Variants in CCDC157 observed in about 807,000 individuals in gnomAD.
CCDC157 encodes coiled-coil domain-containing protein 157.
CCDC157 carries 60 observed loss-of-function variants against 70.9 expected under a neutral mutation model. That is an observed-to-expected ratio of 0.85 (90% CI 0.69 to 1.05). The LOEUF is 1.05. CCDC157 is among the 50% of genes least tolerant of loss of function. The pLI, the probability that CCDC157 is intolerant of heterozygous loss-of-function variation, is 0.00. For missense variants in CCDC157, 943 were observed against 984.2 expected (o/e 0.96, Z 0.56); for synonymous variants, 373 against 422.4 (o/e 0.88, Z 1.43).
intron 7 of CCDC157, 97 bp downstream of exon 7, chr22:30,372,383 C>T: frequency 7.1e-7 from 1 of 1,411,208 alleles, no homozygotes; most frequent in African/African-American, 1.4e-5. Context: ...CTATATTGGG[C>T]ATCTGCTCCC....
chr22:30,374,015 G>A lies in CCDC157; in HGVS notation c.1596G>A (p.Leu532=). 6.2e-7 allele frequency: 1 copy of A among 1,611,988 alleles called. No homozygotes were observed. Among genetic ancestry groups the A allele is most frequent in the Admixed American group, 1.7e-5 (1 of 59,730 alleles). The change falls in exon 9 of 12, where the codon CTG becomes CTA. Residue 532 remains leucine (L), a synonymous_variant. Transcript: ENST00000338306. ...RLTILELERE[L]EELKERERLL... ...CCATCCTGGAGCTAGAACGGGAGCT[G>A]GAGGAGCTGAAGGAGCGGGAGCGGC...
At position 30,375,479 on chromosome 22, in the gene CCDC157, G is replaced by A. The variant is rs1252596728; in HGVS notation, c.1673G>A (p.Gly558Glu). 1 of 1,614,088 alleles carries A rather than the reference G, an allele frequency of 6.2e-7. No homozygotes were observed. Among genetic ancestry groups the A allele is most frequent in the African/African-American group, 1.3e-5 (1 of 75,044 alleles). ...LHRPTETQIHGGRSSSVESQI... is the reference protein window; with the variant it reads ...LHRPTETQIHEGRSSSVESQI... Reference sequence around the variant, plus strand: ...TAAGGTCCTGTCCCATTGGGCACAGGAGGCAGATCCAGCAGCGTGGAATCC... The same window carrying A: ...TAAGGTCCTGTCCCATTGGGCACAGAAGGCAGATCCAGCAGCGTGGAATCC... Residue 558 changes from glycine to glutamate, a missense_variant and splice_region_variant, in exon 10 of 12, where the codon GGA becomes GAA. Transcript: ENST00000338306.
chr22:30,377,408 C>T lies in CCDC157; in HGVS notation c.*663C>T, dbSNP rs192943918. On this transcript the variant is annotated 3_prime_UTR_variant, in exon 12 of 12. Coordinates refer to ENST00000338306, the MANE Select transcript of CCDC157 (RefSeq NM_001017437.5). ...ACCCTGCCAGCCCTGGCTTTCCCAT[C>T]CCTGTCCCTTGGGGGTCTCTTCAGC... 124 of 155,372 alleles carry T rather than the reference C, an allele frequency of 8.0e-4. No individual in the cohort carries two copies. Among genetic ancestry groups the T allele is most frequent in the African/African-American group, 2.8e-3 (115 of 41,588 alleles). The allele number at this position is 155,372 out of a possible 1,614,324, so 9.6% of individuals were successfully genotyped here. A position where few individuals can be genotyped will look rare whatever the true frequency, so the allele number is the denominator to read the frequency against.
intron 3 of CCDC157, among the ~76,000 whole-genome samples, chr22:30,367,631 C>G (rs1932779050): frequency 6.6e-6 from 1 of 151,918 alleles, no homozygotes; most frequent in Non-Finnish European, 1.5e-5. Flanking sequence ...CATGATCATG[C>G]CACTGCACTC....
rs766248109 is a variant in CCDC157 at position 30,373,697 on chromosome 22, G to A, written c.1436G>A (p.Arg479Gln). 96 of 1,552,976 alleles carry A rather than the reference G, an allele frequency of 6.2e-5. No individual in the cohort carries two copies. Among genetic ancestry groups the A allele is most frequent in the South Asian group, 7.1e-5 (6 of 84,352 alleles). ...AGCCTGGACGAGGCTGAGGCCCAGC[G>A]GGCCCGCGTGGAGGAGCAGCTGCAG... ...RGSLDEAEAQ[R>Q]ARVEEQLQSE... Residue 479 changes from arginine to glutamine, a missense_variant, in exon 8 of 12, where the codon CGG becomes CAG. Physicochemically the swap from Arg to Gln is conservative, Grantham distance 43. Coordinates refer to ENST00000338306, the MANE Select transcript of CCDC157 (RefSeq NM_001017437.5).
At chr22:30,364,777 T>C (rs1024131838) in intron 2 of CCDC157, among the ~76,000 whole-genome samples, 3 of 150,452 alleles carry the variant, frequency 2.0e-5, no homozygotes, top group Admixed American at 6.6e-5. Flanking sequence ...ATCACGCCAC[T>C]GTACTCCAGC....
intron 3 of CCDC157, among the ~76,000 whole-genome samples, chr22:30,368,058 A>G (rs549795281): frequency 1.3e-5 from 2 of 152,288 alleles, no homozygotes; most frequent in African/African-American, 4.8e-5. Context: ...AAAACAAACA[A>G]ACAAACAAAA....
rs1451880768 is a variant in CCDC157, at chr22:30,370,533, C to T, written c.628C>T (p.His210Tyr). The stretch of plus-strand genomic sequence containing the variant: ...GACCTTCAAGAACACCAGGAGTGTC[C>T]ACTCCCAGACCATTGAGACGGCCCT... ...ATTFKNTRSV[H>Y]SQTIETALVP... Residue 210 changes from histidine (H) to tyrosine (Y), a missense_variant, in exon 5 of 12, where the codon CAC (histidine) becomes TAC (tyrosine). By Grantham distance (83) the His-to-Tyr change is moderately conservative (BLOSUM62 2). Transcript: ENST00000338306. 3 of 1,613,954 alleles carry T rather than the reference C, an allele frequency of 1.9e-6. No individual in the cohort carries two copies. In the African/African-American group the frequency reaches 4.0e-5, roughly 22 times the overall value.
chr22:30,370,068 C>T (rs1294150529), intron 4 of CCDC157: 3 of 574,650 alleles, frequency 5.2e-6, no homozygotes, highest in African/African-American at 3.7e-5. Context: ...CCATCACCTT[C>T]CCAACACCAT....
At position 30,378,096 on chromosome 22, in the gene CCDC157, C is replaced by T. The variant is rs775027122; in HGVS notation, c.*1351C>T. 1.9e-5 allele frequency: 9 copies of T among 470,940 alleles called. No individual in the cohort carries two copies. Among genetic ancestry groups the T allele is most frequent in the South Asian group, 3.1e-5 (2 of 64,576 alleles). 29.2% of individuals were successfully genotyped at this position (470,940 alleles called of 1,614,324 possible). A position where few individuals can be genotyped will look rare whatever the true frequency, so the allele number is the denominator to read the frequency against. On this transcript the variant is annotated 3_prime_UTR_variant, in exon 12 of 12. Coordinates refer to ENST00000338306, the MANE Select transcript of CCDC157 (RefSeq NM_001017437.5). ...GCTGGCTGTAAGCCAGGTCCTCTCA[C>T]GGCTCCTAGAGGCCGTCCACCTTCC...
At chr22:30,372,456 C>G in intron 7 of CCDC157, 170 bp downstream of exon 7, 1 of 970,718 alleles carries the variant, frequency 1.0e-6, no homozygotes. Flanking sequence ...GAACCAGGCA[C>G]TGGGGGAACA....
chr22:30,372,498 CCTCA>C (rs1933018290), intron 7 of CCDC157: 2 of 610,000 alleles, frequency 3.3e-6, no homozygotes, highest in Admixed American at 3.6e-5. Flanking sequence ...CCCAGTGAGG[CCTCA>C]CTCTGGAAGA....
At chr22:30,373,887 A>G in intron 8 of CCDC157, 36 bp from the exon 9 acceptor site, 1 of 1,585,520 alleles carries the variant, frequency 6.3e-7, no homozygotes, top group African/African-American at 1.3e-5. Flanking sequence ...CATGTAGCTC[A>G]CTCAGGAGCC....
chr22:30,374,892 C>T (rs1181121477), intron 9 of CCDC157: 1 of 286,630 alleles, frequency 3.5e-6, no homozygotes, highest in Non-Finnish European at 6.3e-6. Flanking sequence ...TTGGCTGTAG[C>T]CTGTCCAAAA....
intron 9 of CCDC157, chr22:30,375,252 C>A: frequency 2.0e-6 from 1 of 492,650 alleles, no homozygotes; most frequent in Non-Finnish European, 3.6e-6. Flanking sequence ...CCACCGCGCC[C>A]GGCCTTGCTA....
chr22:30,378,457 C>T lies in CCDC157; in HGVS notation c.*1712C>T, dbSNP rs900845577. 2.8e-5 allele frequency: 5 copies of T among 179,176 alleles called. No individual in the cohort carries two copies. The highest frequency in any genetic ancestry group is 6.0e-5 in the Non-Finnish European group (5 of 82,966). 11.1% of individuals were successfully genotyped at this position (179,176 alleles called of 1,614,324 possible). A position where few individuals can be genotyped will look rare whatever the true frequency, so the allele number is the denominator to read the frequency against. On this transcript the variant is annotated 3_prime_UTR_variant, in exon 12 of 12. Coordinates refer to ENST00000338306, the MANE Select transcript of CCDC157 (RefSeq NM_001017437.5). ...CAGCCTGACCAACATGGAGAAACCC[C>T]GTCTCTACTAAAAATACAAAATTAG...
At chr22:30,369,693 C>A (rs1932851333) in intron 4 of CCDC157, 90 bp downstream of exon 4, 1 of 1,062,570 alleles carries the variant, frequency 9.4e-7, no homozygotes, top group South Asian at 2.0e-5. Flanking sequence ...GCTCTGGCTT[C>A]CTAGCCTACC....
Position 30,373,987 on chromosome 22 carries a change from T to TAACC in CCDC157, c.1570_1573dup (p.Ile525AsnfsTer135), listed in dbSNP as rs1373123463. ...GAGCAGGCGACTACGGACCTGCGGC[T>TAACC]AACCATCCTGGAGCTAGAACGGGAG... On this transcript the variant is annotated frameshift_variant, in exon 9 of 12. Coordinates refer to ENST00000338306, the MANE Select transcript of CCDC157 (RefSeq NM_001017437.5). LOFTEE classifies it high-confidence loss of function. 6.2e-7 allele frequency: 1 copy of TAACC among 1,612,834 alleles called. No homozygotes were observed. Among genetic ancestry groups the TAACC allele is most frequent in the Non-Finnish European group, 8.5e-7 (1 of 1,179,668 alleles).
At chr22:30,358,798 G>T (rs1017425726) in intron 1 of CCDC157, among the ~76,000 whole-genome samples, 14 of 152,212 alleles carry the variant, frequency 9.2e-5, no homozygotes, top group Non-Finnish European at 2.9e-5. Context: ...TGTGGTCATG[G>T]GTACAGTGCC....
Sources: gnomAD v4.1 joint callset for allele counts (sites outside exome capture counted in the v4.1 genomes callset) on GRCh38, gnomAD v4.1.1 for gene constraint, MANE v1.5 for transcripts, NCBI Gene and HGNC (gene_info 2026-07-23, HGNC 2026-07-21) for gene names.